The following GLB1L3 variants were observed in gnomAD, a reference collection of about 807,000 sequenced individuals.
GLB1L3 encodes the protein beta-galactosidase-1-like protein 3.
GLB1L3 carries 89 observed loss-of-function variants against 89.5 expected under a neutral mutation model. The observed-to-expected ratio is 0.99, with a 90% CI of 0.84 to 1.19. The LOEUF (loss-of-function observed/expected upper bound fraction) is 1.19, where lower values mean the gene tolerates loss of function less well. GLB1L3 is among the 50% of genes most tolerant of loss of function. GLB1L3 has a pLI of 0.00. For missense variants in GLB1L3, 812 were observed against 813.3 expected (o/e 1.00, Z 0.02); for synonymous variants, 314 against 312.3 (o/e 1.01, Z -0.06).
At chr11:134,311,895 G>A (rs552874007) in intron 13 of GLB1L3, 101 of 154,368 alleles carry the variant, frequency 6.5e-4, no homozygotes, top group Non-Finnish European at 1.2e-3. Context: ...CTCCTGGGCT[G>A]AAGCAATCCT....
At chr11:134,294,153 G>A (rs1268511178) in intron 9 of GLB1L3, among the ~76,000 whole-genome samples, 2 of 151,118 alleles carry the variant, frequency 1.3e-5, no homozygotes, top group South Asian at 2.1e-4. Flanking sequence ...TGCAACCTCC[G>A]CCTCCTTGGT....
rs1942330437 is a variant in GLB1L3 at position 134,308,214 on chromosome 11, C to CCACCACCACCACCATCACCAT, written c.961+1008_961+1009insCCACCACCACCATCACCATCA. Among the ~76,000 whole-genome samples, 2 of 28,534 alleles carry CCACCACCACCACCATCACCAT rather than the reference C, an allele frequency of 7.0e-5. 1 individual carries two copies. Among genetic ancestry groups the CCACCACCACCACCATCACCAT allele is most frequent in the South Asian group, 2.9e-3 (2 of 696 alleles). 18.7% of individuals were successfully genotyped at this position (28,534 alleles called of 152,430 possible). A position where few individuals can be genotyped will look rare whatever the true frequency, so the allele number is the denominator to read the frequency against. ...ATCACCATCACCACTACCACCACCA[C>CCACCACCACCACCATCACCAT]CATCACCATCACCACCACCACCATC... is the stretch of plus-strand genomic sequence containing the variant. On this transcript the variant is annotated intron_variant, in intron 10 of 19. Coordinates refer to ENST00000431683, the MANE Select transcript of GLB1L3 (RefSeq NM_001080407.3).
intron 3 of GLB1L3, 45 bp from the exon 4 acceptor site, chr11:134,281,332 A>G (rs1227343711): frequency 8.7e-6 from 14 of 1,609,694 alleles, no homozygotes; most frequent in Non-Finnish European, 1.2e-5. Context: ...ATTTGGAGGA[A>G]GAAATAAGAA....
Position 134,313,473 on chromosome 11 carries a change from A to G in GLB1L3, c.1578A>G (p.Lys526=). The change falls in exon 16 of 20, where the codon AAA becomes AAG. Residue 526 remains lysine, a splice_region_variant and synonymous_variant. Transcript: ENST00000431683. ...NFSWQIQNEQ[K]GITGSVSINN... ...CATGGCAAATACAGAATGAGCAGAA[A>G]GGTGGGCTCTGGCTGTGGCTTCTCC... 1 of 1,531,902 alleles carries G rather than the reference A, an allele frequency of 6.5e-7. No individual in the cohort carries two copies. 94.9% of individuals were successfully genotyped at this position (1,531,902 alleles called of 1,614,324 possible).
chr11:134,282,972 A>G (rs771782402), intron 5 of GLB1L3, among the ~76,000 whole-genome samples: 10 of 152,180 alleles, frequency 6.6e-5, no homozygotes, highest in Non-Finnish European at 1.3e-4. Flanking sequence ...TGGGTGGAGT[A>G]TCATTGGCAC....
Position 134,307,211 on chromosome 11 carries a change from G to A in GLB1L3, c.961+3G>A, listed in dbSNP as rs1489546468. Reference sequence around the variant, plus strand: ...GCACCATGTTAAAGATGCAAAGGGTGAGTGTTTTGCAGTGTTTGACTCCAG... The same window carrying A: ...GCACCATGTTAAAGATGCAAAGGGTAAGTGTTTTGCAGTGTTTGACTCCAG... On this transcript the variant is annotated splice_donor_region_variant and intron_variant, in intron 10 of 19. Coordinates refer to ENST00000431683, the MANE Select transcript of GLB1L3 (RefSeq NM_001080407.3). 1 of 1,608,886 alleles carries A rather than the reference G, an allele frequency of 6.2e-7. No homozygotes were observed. The highest frequency in any genetic ancestry group is 8.5e-7 in the Non-Finnish European group (1 of 1,175,810).
chr11:134,308,395 C>CCACCACCAT (rs1942428465), intron 10 of GLB1L3, among the ~76,000 whole-genome samples: 4 of 49,806 alleles, frequency 8.0e-5, no homozygotes, highest in Admixed American at 2.9e-4. Flanking sequence ...ACCATCACCA[C>CCACCACCAT]CATCACCATC....
chr11:134,301,107 A>T (rs921065252), intron 9 of GLB1L3, among the ~76,000 whole-genome samples: 2 of 152,076 alleles, frequency 1.3e-5, no homozygotes, highest in South Asian at 4.2e-4. Context: ...AATATGATCT[A>T]TTTGTGTTAT....
chr11:134,312,671 G>A (rs1942794550), intron 14 of GLB1L3, 145 bp from the exon 15 acceptor site: 4 of 957,170 alleles, frequency 4.2e-6, no homozygotes, highest in Admixed American at 4.5e-5. Flanking sequence ...AGAGTCTCTT[G>A]GGGCCTCCAG....
intron 9 of GLB1L3, among the ~76,000 whole-genome samples, chr11:134,299,355 G>A (rs1290312680): frequency 6.6e-6 from 1 of 151,868 alleles, no homozygotes; most frequent in Non-Finnish European, 1.5e-5. Flanking sequence ...TTGCCTTTTT[G>A]TATGTCTCAT....
In GLB1L3 at chr11:134,314,334, C is replaced by G. The variant is rs543697948; in HGVS notation, c.1672C>G (p.Arg558Gly). ...EMKMSFFERL[R>G]SATWKPVPDS... ...ATGGCTTGGCCTTTCTTCCAGGCTC[C>G]GCTCTGCCACCTGGAAGCCTGTCCC... Residue 558 changes from arginine to glycine, a missense_variant, in exon 18 of 20, where the codon CGC (arginine) becomes GGC (glycine). This residue lies in a region of GLB1L3 where 618 missense variants were observed against 604.0 expected (regional missense o/e 1.02). Coordinates refer to ENST00000431683, the MANE Select transcript of GLB1L3 (RefSeq NM_001080407.3). 6.5e-7 allele frequency: 1 copy of G among 1,546,456 alleles called. No homozygotes were observed. The highest frequency in any genetic ancestry group is 1.4e-5 in the African/African-American group (1 of 72,718).
At chr11:134,291,731 T>C (rs1256937902) in intron 7 of GLB1L3, among the ~76,000 whole-genome samples, 1 of 152,142 alleles carries the variant, frequency 6.6e-6, no homozygotes, top group East Asian at 1.9e-4. Context: ...TCTGAGTGCT[T>C]TGGGAGTACA....
chr11:134,308,366 C>T (rs1591579166), intron 10 of GLB1L3, among the ~76,000 whole-genome samples: 2 of 98,292 alleles, frequency 2.0e-5, no homozygotes, highest in East Asian at 5.8e-4. Flanking sequence ...CTACCACCAC[C>T]ACCACCACCA....
intron 4 of GLB1L3, 131 bp from the exon 5 acceptor site, chr11:134,281,894 A>G (rs474046): frequency 0.43 from 287,814 of 661,694 alleles, 44,643 homozygotes; most frequent in African/African-American, 0.5. Flanking sequence ...GGGAGTCCCC[A>G]CGCTTTGGGG....
chr11:134,286,449 T>C (rs1004505847), intron 6 of GLB1L3, among the ~76,000 whole-genome samples: 3 of 152,158 alleles, frequency 2.0e-5, no homozygotes, highest in Non-Finnish European at 4.4e-5. Context: ...GCAATCTAGA[T>C]GGGACTCAGT....
chr11:134,312,989 GTGC>G, intron 15 of GLB1L3, 102 bp downstream of exon 15: 1 of 853,496 alleles, frequency 1.2e-6, no homozygotes. Context: ...CCTGCTGCTG[GTGC>G]TGCTGCTCAC....
rs1255657368 is a variant in GLB1L3 at position 134,312,305 on chromosome 11, C to G, written c.1288-44C>G. On this transcript the variant is annotated intron_variant, in intron 13 of 19. Transcript: ENST00000431683. Reference sequence around the variant, plus strand: ...AGGGTCTTAGGAAGGAGGATCCTGACTGCTCAGCCCTTGGACTTCTGCTCT... The same window carrying G: ...AGGGTCTTAGGAAGGAGGATCCTGAGTGCTCAGCCCTTGGACTTCTGCTCT... 1.9e-6 allele frequency: 3 copies of G among 1,601,766 alleles called. No individual in the cohort carries two copies. In the Admixed American group the frequency reaches 5.0e-5, roughly 27 times the overall value.
At chr11:134,308,559 C>T (rs1298807247) in intron 10 of GLB1L3, among the ~76,000 whole-genome samples, 5 of 132,754 alleles carry the variant, frequency 3.8e-5, no homozygotes, top group Admixed American at 8.8e-5. Context: ...ATCACCATCA[C>T]CACCACCACC....
intron 8 of GLB1L3, 107 bp downstream of exon 8, chr11:134,292,320 C>A (rs1941401947): frequency 1.4e-6 from 1 of 738,188 alleles, no homozygotes; most frequent in Non-Finnish European, 2.3e-6. Flanking sequence ...CCTCCCTTTC[C>A]CGTGTCCACT....
Sources: allele counts gnomAD v4.1 joint callset (sites outside exome capture counted in the v4.1 genomes callset), GRCh38; gene constraint gnomAD v4.1.1; regional missense constraint gnomAD v4.1.1; transcripts MANE v1.5; gene names NCBI Gene and HGNC (gene_info 2026-07-23, HGNC 2026-07-21).